The following RBPMS variants were observed in gnomAD, a reference collection of about 807,000 sequenced individuals.
RBPMS encodes the protein RNA binding protein, mRNA processing factor.
Under a neutral mutation model 26.8 loss-of-function variants are expected in RBPMS, and 7 were observed. The ratio of observed to expected loss-of-function variants is 0.26; its 90% CI spans 0.15 to 0.49. The LOEUF (loss-of-function observed/expected upper bound fraction) is 0.49, where lower values mean the gene tolerates loss of function less well. RBPMS is among the 20% of genes least tolerant of loss of function. The probability of loss-of-function intolerance (pLI) is 0.98; values close to 1 mark genes in which losing one functional copy is unlikely to be tolerated. For missense variants in RBPMS, 186 were observed against 250.0 expected (o/e 0.74, Z 1.73); for synonymous variants, 96 against 93.3 (o/e 1.03, Z -0.17).
intron 1 of RBPMS, among the ~76,000 whole-genome samples, chr8:30,409,742 C>T (rs927387020): frequency 1.3e-5 from 2 of 152,052 alleles, no homozygotes; most frequent in Non-Finnish European, 2.9e-5. Flanking sequence ...AAGCGATTCT[C>T]CTGCCTCAGC....
chr8:30,450,567 C>T (rs1422738557), intron 1 of RBPMS, among the ~76,000 whole-genome samples: 2 of 152,082 alleles, frequency 1.3e-5, no homozygotes, highest in Non-Finnish European at 1.5e-5. Context: ...GGTAGTATGC[C>T]TCCACTGCTG....
chr8:30,393,294 C>G (rs1229798585), intron 1 of RBPMS, among the ~76,000 whole-genome samples: 1 of 151,822 alleles, frequency 6.6e-6, no homozygotes, highest in Non-Finnish European at 1.5e-5. Flanking sequence ...ACCTCCCAAA[C>G]TTGCCATTAA....
intron 1 of RBPMS, among the ~76,000 whole-genome samples, chr8:30,418,075 T>C (rs1197828262): frequency 6.6e-6 from 1 of 152,236 alleles, no homozygotes; most frequent in African/African-American, 2.4e-5. Context: ...TATAACTTGT[T>C]AATTCTAGAA....
intron 5 of RBPMS, chr8:30,537,521 G>A (rs1824920496): frequency 2.2e-6 from 1 of 455,968 alleles, no homozygotes; most frequent in East Asian, 7.0e-5. Context: ...GTAGGGATGG[G>A]AATGAGAAAG....
At chr8:30,533,217 T>C (rs1286795717) in intron 5 of RBPMS, among the ~76,000 whole-genome samples, 1 of 152,196 alleles carries the variant, frequency 6.6e-6, no homozygotes, top group Non-Finnish European at 1.5e-5. Flanking sequence ...GAAAACATTT[T>C]TTATTCACTG....
intron 5 of RBPMS, among the ~76,000 whole-genome samples, chr8:30,521,845 G>C (rs1016124486): frequency 1.3e-5 from 2 of 151,940 alleles, no homozygotes; most frequent in African/African-American, 2.4e-5. Context: ...TTGTTAAGAG[G>C]GTAAATCTTA....
At position 30,528,883 on chromosome 8, in the gene RBPMS, A is replaced by G. The variant is rs75525400; in HGVS notation, c.398-15611A>G. On this transcript the variant is annotated intron_variant, in intron 5 of 8. Transcript: ENST00000397323. Reference sequence around the variant, plus strand: ...TCACATACCATACAATTTAAAGCATACAACTCAGTATTTTTTTTTGGTATG... The same window carrying G: ...TCACATACCATACAATTTAAAGCATGCAACTCAGTATTTTTTTTTGGTATG... 1.5e-3 allele frequency among the ~76,000 whole-genome samples: 221 copies of G among 149,022 alleles called. 5 individuals carry two copies. In the East Asian group the frequency reaches 0.04, roughly 27 times the overall value.
chr8:30,537,336 G>C (rs934335310), intron 5 of RBPMS, among the ~76,000 whole-genome samples: 1 of 152,222 alleles, frequency 6.6e-6, no homozygotes, highest in African/African-American at 2.4e-5. Context: ...CTCTGGGCCA[G>C]TTGAATCATG....
At chr8:30,482,590 T>G (rs1451904185) in intron 4 of RBPMS, among the ~76,000 whole-genome samples, 1 of 152,220 alleles carries the variant, frequency 6.6e-6, no homozygotes, top group Non-Finnish European at 1.5e-5. Flanking sequence ...AATTAAGTTG[T>G]AACAGTGAAC....
chr8:30,555,813 C>T, intron 6 of RBPMS: 1 of 929,484 alleles, frequency 1.1e-6, no homozygotes, highest in South Asian at 4.9e-5. Context: ...TGACCTGGGG[C>T]CAAAAGCCCA....
At chr8:30,535,281 T>G (rs1824665268) in intron 5 of RBPMS, among the ~76,000 whole-genome samples, 2 of 151,968 alleles carry the variant, frequency 1.3e-5, no homozygotes, top group Admixed American at 1.3e-4. Flanking sequence ...TAACTAACTT[T>G]TCTTGAATAT....
At chr8:30,410,932 G>T (rs1346026192) in intron 1 of RBPMS, among the ~76,000 whole-genome samples, 1 of 152,066 alleles carries the variant, frequency 6.6e-6, no homozygotes, top group East Asian at 1.9e-4. Context: ...AAGGGATGGG[G>T]TGTTGCTACT....
At chr8:30,408,156 C>T (rs1808864926) in intron 1 of RBPMS, among the ~76,000 whole-genome samples, 1 of 152,164 alleles carries the variant, frequency 6.6e-6, no homozygotes. Flanking sequence ...TGTCTAGACC[C>T]TTAAGTTAGA....
At chr8:30,524,198 C>T (rs1585758376) in intron 5 of RBPMS, among the ~76,000 whole-genome samples, 2 of 152,108 alleles carry the variant, frequency 1.3e-5, no homozygotes, top group African/African-American at 4.8e-5. Flanking sequence ...AGTGGTCTCT[C>T]ATTTTGTGAT....
intron 5 of RBPMS, among the ~76,000 whole-genome samples, chr8:30,511,324 A>T (rs1563392390): frequency 6.6e-6 from 1 of 150,466 alleles, no homozygotes; most frequent in Non-Finnish European, 1.5e-5. Flanking sequence ...AAAATAAAAC[A>T]AAAAATCAAG....
intron 6 of RBPMS, chr8:30,555,873 C>T (rs1199560219): frequency 2.0e-6 from 2 of 985,236 alleles, no homozygotes; most frequent in South Asian, 4.7e-5. Context: ...CTCCTCATTA[C>T]CCCCACACAG....
intron 4 of RBPMS, among the ~76,000 whole-genome samples, chr8:30,499,979 A>G (rs1820381648): frequency 2.0e-5 from 3 of 152,014 alleles, no homozygotes; most frequent in South Asian, 4.1e-4. Flanking sequence ...TATGTCTGCA[A>G]TTTTTCTGTA....
In RBPMS at chr8:30,477,721, A is replaced by G. The variant is rs900562443; in HGVS notation, c.145-78A>G. 10 of 1,023,544 alleles carry G rather than the reference A, an allele frequency of 9.8e-6. No individual in the cohort carries two copies. The East Asian group carries it at 2.4e-4, about 24-fold the overall frequency. The allele number at this position is 1,023,544 out of a possible 1,614,324, so 63.4% of individuals were successfully genotyped here. A position where few individuals can be genotyped will look rare whatever the true frequency, so the allele number is the denominator to read the frequency against. On this transcript the variant is annotated intron_variant, in intron 2 of 8. Transcript: ENST00000397323. Reference sequence around the variant, plus strand: ...TTGTAGGAGGAGTTAGGTAATCAATAAAGAACTTATTTTTACATGAACAAG... The same window carrying G: ...TTGTAGGAGGAGTTAGGTAATCAATGAAGAACTTATTTTTACATGAACAAG...
chr8:30,523,906 A>G (rs1371962889), intron 5 of RBPMS, among the ~76,000 whole-genome samples: 1 of 152,118 alleles, frequency 6.6e-6, no homozygotes, highest in Non-Finnish European at 1.5e-5. Context: ...AAAATTTCAA[A>G]CATATCTAAA....
Sources: gnomAD v4.1 joint callset for allele counts (sites outside exome capture counted in the v4.1 genomes callset) on GRCh38, gnomAD v4.1.1 for gene constraint, MANE v1.5 for transcripts, NCBI Gene and HGNC (gene_info 2026-07-23, HGNC 2026-07-21) for gene names.